The following HYAL2 variants were observed in gnomAD, a reference collection of about 807,000 sequenced individuals.
The protein encoded by HYAL2 is hyaluronidase-2.
Under a neutral mutation model 35.4 loss-of-function variants are expected in HYAL2, and 30 were observed. The observed-to-expected ratio is 0.85, with a 90% CI of 0.63 to 1.15. The LOEUF (loss-of-function observed/expected upper bound fraction) is 1.15, where lower values mean the gene tolerates loss of function less well. Among genes scored for constraint, HYAL2 ranks in the 50% most tolerant of loss-of-function variants. HYAL2 has a pLI of 0.00. For synonymous variants in HYAL2, 262 were observed against 252.8 expected, an observed-to-expected ratio of 1.04 and a Z score of -0.34; for missense variants, 635 against 646.5, an observed-to-expected ratio of 0.98 and a Z score of 0.19.
intron 1 of HYAL2, chr3:50,321,567 C>A (rs994427699): frequency 2.0e-5 from 3 of 152,202 alleles, no homozygotes; most frequent in African/African-American, 7.2e-5. Context: ...GTGTGGTCCA[C>A]CTTTCTCGGT....
Position 50,318,670 on chromosome 3 carries a change from C to G in HYAL2, c.1012-131G>C. On this transcript the variant is annotated intron_variant, in intron 3 of 3. Coordinates refer to ENST00000357750, the MANE Select transcript of HYAL2 (RefSeq NM_003773.5). This position sits in a 1 kb window ranked among gnomAD's most constrained non-coding sequence, Gnocchi z 4.5. ...CACACATTCATACATTCAATCTGCA[C>G]CTGAGCCACACAGTCCCTGCTCCTG... 1 of 904,270 alleles carries G rather than the reference C, an allele frequency of 1.1e-6. No individual in the cohort carries two copies. Among genetic ancestry groups the G allele is most frequent in the Non-Finnish European group, 1.7e-6 (1 of 602,100 alleles). The allele number at this position is 904,270 out of a possible 1,614,324, so 56.0% of individuals were successfully genotyped here. A position where few individuals can be genotyped will look rare whatever the true frequency, so the allele number is the denominator to read the frequency against.
Position 50,320,020 on chromosome 3 carries a change from T to C in HYAL2, c.470A>G (p.Gln157Arg). The change falls in exon 2 of 4, where the codon CAG becomes CGG. Residue 157 changes from glutamine (Q) to arginine (R), a missense_variant. Physicochemically the swap from Gln to Arg is conservative, Grantham distance 43 (BLOSUM62 1). Transcript: ENST00000357750. This position sits in a 1 kb window ranked among gnomAD's most constrained non-coding sequence, Gnocchi z 4.8. ...DKDVYRRLSR[Q>R]LVASRHPDWP... The stretch of plus-strand genomic sequence containing the variant: ...GTCAGGGTGACGACTGGCCACTAGC[T>C]GGCGTGATAACCGGCGATACACATC... 1 of 1,613,340 alleles carries C rather than the reference T, an allele frequency of 6.2e-7. No homozygotes were observed. The highest frequency in any genetic ancestry group is 2.2e-5 in the East Asian group (1 of 44,888).
rs1189048698 is a variant in HYAL2, at chr3:50,318,120, AGGAGACCCCT to A, written c.1421_*8del. 1 of 1,543,864 alleles carries A rather than the reference AGGAGACCCCT, an allele frequency of 6.5e-7. No homozygotes were observed. The highest frequency in any genetic ancestry group is 8.7e-7 in the Non-Finnish European group (1 of 1,143,792). On this transcript the variant is annotated stop_lost and 3_prime_UTR_variant, in exon 4 of 4. Coordinates refer to ENST00000357750, the MANE Select transcript of HYAL2 (RefSeq NM_003773.5). This position sits in a 1 kb window ranked among gnomAD's most constrained non-coding sequence, Gnocchi z 4.5. ...AGGCCAGCTTGCTAGGCAGCTAGGCAGGAGACCCCTACAAGGTCCAGGTAAAGGCCAGGGC... is the reference window on the plus strand; with the variant it reads ...AGGCCAGCTTGCTAGGCAGCTAGGCAACAAGGTCCAGGTAAAGGCCAGGGC...
In HYAL2 at chr3:50,319,988, G is replaced by C; in HGVS notation, c.502C>G (p.Pro168Ala). 6.2e-7 allele frequency: 1 copy of C among 1,613,412 alleles called. No homozygotes were observed. Among genetic ancestry groups the C allele is most frequent in the African/African-American group, 1.3e-5 (1 of 75,060 alleles). ...TGTGCCTGTTTGACTATGCGGTCTGGAGGCCAGTCAGGGTGACGACTGGCC... is the reference window on the plus strand; with the variant it reads ...TGTGCCTGTTTGACTATGCGGTCTGCAGGCCAGTCAGGGTGACGACTGGCC... ...LVASRHPDWP[P>A]DRIVKQAQYE... Residue 168 changes from proline to alanine, a missense_variant, in exon 2 of 4, where the codon CCA becomes GCA. Transcript: ENST00000357750.
rs370951040 is a variant in HYAL2 at position 50,320,699 on chromosome 3, G to C, written c.-46-164C>G. On this transcript the variant is annotated intron_variant, in intron 1 of 3. Coordinates refer to ENST00000357750, the MANE Select transcript of HYAL2 (RefSeq NM_003773.5). This position sits in a 1 kb window ranked among gnomAD's most constrained non-coding sequence, Gnocchi z 4.8. ...CACTGCAGGGCAGACAAGGCACCCT[G>C]GGAACTCACTGCCAGAAGCACAGGG... 2.7e-5 allele frequency: 14 copies of C among 525,708 alleles called. No individual in the cohort carries two copies. Among genetic ancestry groups the C allele is most frequent in the South Asian group, 2.0e-4 (6 of 30,642 alleles). The allele number at this position is 525,708 out of a possible 1,614,324, so 32.6% of individuals were successfully genotyped here. A position where few individuals can be genotyped will look rare whatever the true frequency, so the allele number is the denominator to read the frequency against.
intron 1 of HYAL2, chr3:50,321,274 G>C (rs1702689145): frequency 6.6e-6 from 1 of 152,194 alleles, no homozygotes; most frequent in African/African-American, 2.4e-5. Context: ...GTGGGGGTGG[G>C]GTTTCTGGGA....
chr3:50,320,247 G>T lies in HYAL2; in HGVS notation c.243C>A (p.Asp81Glu), dbSNP rs782806036. The T allele has an allele frequency of 3.7e-6, 6 of 1,614,052 alleles. No individual in the cohort carries two copies. Among genetic ancestry groups the T allele is most frequent in the Non-Finnish European group, 5.1e-6 (6 of 1,180,042 alleles). ...VNQNITIFYRDRLGLYPRFDS... is the reference protein window; with the variant it reads ...VNQNITIFYRERLGLYPRFDS... The stretch of plus-strand genomic sequence containing the variant: ...CGAAGCGTGGATACAGGCCTAGACG[G>T]TCGCGGTAGAAGATGGTAATATTCT... The change falls in exon 2 of 4, where the codon GAC becomes GAA. Residue 81 changes from aspartate (D) to glutamate (E), a missense_variant. Coordinates refer to ENST00000357750, the MANE Select transcript of HYAL2 (RefSeq NM_003773.5). This position sits in a 1 kb window ranked among gnomAD's most constrained non-coding sequence, Gnocchi z 4.8.
rs781808132 is a variant in HYAL2 at position 50,319,054 on chromosome 3, G to A, written c.922-9C>T. 1.1e-5 allele frequency: 18 copies of A among 1,583,838 alleles called. 1 individual carries two copies. The South Asian group carries it at 1.3e-4, about 12-fold the overall frequency. On this transcript the variant is annotated splice_polypyrimidine_tract_variant and intron_variant, in intron 2 of 3. Coordinates refer to ENST00000357750, the MANE Select transcript of HYAL2 (RefSeq NM_003773.5). ...GTAGAGATGAGGTCCATCTATGCAGGAAAAGGGATGGTCACTGGGGAAGAC... is the reference window on the plus strand; with the variant it reads ...GTAGAGATGAGGTCCATCTATGCAGAAAAAGGGATGGTCACTGGGGAAGAC...
In HYAL2 at chr3:50,318,840, G is replaced by A; in HGVS notation, c.1011+116C>T. 1 of 919,682 alleles carries A rather than the reference G, an allele frequency of 1.1e-6. No individual in the cohort carries two copies. Among genetic ancestry groups the A allele is most frequent in the Non-Finnish European group, 1.8e-6 (1 of 568,378 alleles). The allele number at this position is 919,682 out of a possible 1,614,324, so 57.0% of individuals were successfully genotyped here. On this transcript the variant is annotated intron_variant, in intron 3 of 3. Coordinates refer to ENST00000357750, the MANE Select transcript of HYAL2 (RefSeq NM_003773.5). This position sits in a 1 kb window ranked among gnomAD's most constrained non-coding sequence, Gnocchi z 4.5. ...TCCTGTTGCCACCAGGGATGCCTCG[G>A]GTGGGAGACAGACAAGGGGACCAGA...
rs782145635 is a variant in HYAL2, at chr3:50,319,932, G to A, written c.558C>T (p.Phe186=). 7 of 1,613,568 alleles carry A rather than the reference G, an allele frequency of 4.3e-6. No individual in the cohort carries two copies. In the African/African-American group the frequency reaches 8.0e-5, roughly 18 times the overall value. Residue 186 remains phenylalanine, a synonymous_variant, in exon 2 of 4, where the codon TTC becomes TTT. Transcript: ENST00000357750. ...QYEFEFAAQQ[F]MLETLRYVKA... is the part of the protein sequence containing the mutation. ...TGACATAACGCAGTGTCTCCAGCAT[G>A]AACTGCTGTGCTGCGAACTCAAACT...
chr3:50,322,583 A>C lies in HYAL2; in HGVS notation c.-47+70T>G, dbSNP rs903313641. The C allele has an allele frequency of 6.6e-6, 1 of 152,244 alleles. No individual in the cohort carries two copies. The highest frequency in any genetic ancestry group is 2.4e-5 in the African/African-American group (1 of 41,454). The allele number at this position is 152,244 out of a possible 1,614,324, so 9.4% of individuals were successfully genotyped here. ...CCAGCCCCTAACCCTCCCGGGCGCC[A>C]GGAGAGGGAGGGAGTGCAACTGCGA... is the stretch of plus-strand genomic sequence containing the variant. On this transcript the variant is annotated intron_variant, in intron 1 of 3. Transcript: ENST00000357750. This position sits in a 1 kb window ranked among gnomAD's most constrained non-coding sequence, Gnocchi z 5.5.
In HYAL2 at chr3:50,317,975, CA is replaced by C; in HGVS notation, c.*153del. On this transcript the variant is annotated 3_prime_UTR_variant, in exon 4 of 4. Transcript: ENST00000357750. ...CAGGGACTTCCCCTCCCCCTTAGAA[CA>C]GGGGGGTGCGAGCTGGTATGGATGC... is the stretch of plus-strand genomic sequence containing the variant. 4.0e-6 allele frequency: 3 copies of C among 756,184 alleles called. No individual in the cohort carries two copies. Among genetic ancestry groups the C allele is most frequent in the Admixed American group, 2.8e-5 (1 of 35,106 alleles). The allele number at this position is 756,184 out of a possible 1,614,324, so 46.8% of individuals were successfully genotyped here.
intron 1 of HYAL2, chr3:50,321,223 A>ACCCCGC (rs1702686469): frequency 6.6e-6 from 1 of 151,502 alleles, no homozygotes; most frequent in East Asian, 2.0e-4. Flanking sequence ...TTTGTGCGGG[A>ACCCCGC]CCCCGCCCCC....
At position 50,319,910 on chromosome 3, in the gene HYAL2, C is replaced by T; in HGVS notation, c.580G>A (p.Val194Ile). The change falls in exon 2 of 4, where the codon GTC becomes ATC. Residue 194 changes from valine to isoleucine, a missense_variant. Physicochemically the swap from Val to Ile is conservative, Grantham distance 29. Transcript: ENST00000357750. ...AGGTGCCGGGGCCGCACTGCCTTGACATAACGCAGTGTCTCCAGCATGAAC... is the reference window on the plus strand; with the variant it reads ...AGGTGCCGGGGCCGCACTGCCTTGATATAACGCAGTGTCTCCAGCATGAAC... Reference protein sequence around the residue: ...QQFMLETLRYVKAVRPRHLWG... With the variant: ...QQFMLETLRYIKAVRPRHLWG... 1.9e-6 allele frequency: 3 copies of T among 1,613,724 alleles called. No homozygotes were observed. Among genetic ancestry groups the T allele is most frequent in the Non-Finnish European group, 2.5e-6 (3 of 1,180,018 alleles).
chr3:50,319,680 G>A lies in HYAL2; in HGVS notation c.810C>T (p.Phe270=), dbSNP rs1553716180. The change falls in exon 2 of 4, where the codon TTC becomes TTT. Residue 270 remains phenylalanine (F), a synonymous_variant. Transcript: ENST00000357750. ...CCACACGAAGGGCCTCCTGAACACG[G>A]AAGCTCACAAAGTTGCGGCCATGGC... ...SSRHGRNFVS[F]RVQEALRVAR... 9.3e-6 allele frequency: 15 copies of A among 1,613,990 alleles called. No individual in the cohort carries two copies. The highest frequency in any genetic ancestry group is 9.3e-6 in the Non-Finnish European group (11 of 1,180,036).
Position 50,318,399 on chromosome 3 carries a change from A to G in HYAL2, c.1152T>C (p.Ser384=), listed in dbSNP as rs782532214. The change falls in exon 4 of 4, where the codon AGT becomes AGC. Residue 384 remains serine (S), a synonymous_variant. Transcript: ENST00000357750. The surrounding 1 kb of genome is among the most constrained non-coding windows in gnomAD (Gnocchi z 4.5). ...GRCVRRNPSA[S]TFLHLSTNSF... Reference sequence around the variant, plus strand: ...TGTTGGTGCTGAGATGCAGGAAGGTACTGGCACTGGGGTTGCGGCGCACAC... The same window carrying G: ...TGTTGGTGCTGAGATGCAGGAAGGTGCTGGCACTGGGGTTGCGGCGCACAC... 5 of 1,613,214 alleles carry G rather than the reference A, an allele frequency of 3.1e-6. No individual in the cohort carries two copies. In the African/African-American group the frequency reaches 6.7e-5, roughly 22 times the overall value.
At chr3:50,321,818 G>A (rs1468134262) in intron 1 of HYAL2, 1 of 72,136 alleles carries the variant, frequency 1.4e-5, no homozygotes, top group Non-Finnish European at 2.1e-5. Context: ...GACGGGAAGG[G>A]GGGGGGGGGG....
rs1553715886 is a variant in HYAL2 at position 50,318,370 on chromosome 3, A to C, written c.1181T>G (p.Phe394Cys). Residue 394 changes from phenylalanine to cysteine, a missense_variant, in exon 4 of 4, where the codon TTC becomes TGC. By Grantham distance (205) the Phe-to-Cys change is radical. Transcript: ENST00000357750. This position sits in a 1 kb window ranked among gnomAD's most constrained non-coding sequence, Gnocchi z 4.5. ...STFLHLSTNS[F>C]RLVPGHAPGE... is the part of the protein sequence containing the mutation. ...AGGTGCATGGCCAGGCACTAGGCGG[A>C]AACTGTTGGTGCTGAGATGCAGGAA... is the stretch of plus-strand genomic sequence containing the variant. The C allele has an allele frequency of 1.9e-6, 3 of 1,613,280 alleles. No homozygotes were observed. Among genetic ancestry groups the C allele is most frequent in the Non-Finnish European group, 2.5e-6 (3 of 1,180,040 alleles).
Position 50,320,257 on chromosome 3 carries a change from A to C in HYAL2, c.233T>G (p.Phe78Cys). 1 of 1,614,060 alleles carries C rather than the reference A, an allele frequency of 6.2e-7. No individual in the cohort carries two copies. The highest frequency in any genetic ancestry group is 8.5e-7 in the Non-Finnish European group (1 of 1,180,040). Residue 78 changes from phenylalanine (F) to cysteine (C), a missense_variant, in exon 2 of 4, where the codon TTC (phenylalanine) becomes TGC (cysteine). Coordinates refer to ENST00000357750, the MANE Select transcript of HYAL2 (RefSeq NM_003773.5). The surrounding 1 kb of genome is among the most constrained non-coding windows in gnomAD (Gnocchi z 4.8). Reference sequence around the variant, plus strand: ...ATACAGGCCTAGACGGTCGCGGTAGAAGATGGTAATATTCTGGTTCACAAA... The same window carrying C: ...ATACAGGCCTAGACGGTCGCGGTAGCAGATGGTAATATTCTGGTTCACAAA... ...EGFVNQNITIFYRDRLGLYPR... is the reference protein window; with the variant it reads ...EGFVNQNITICYRDRLGLYPR...
Sources: allele counts gnomAD v4.1 joint callset, GRCh38; gene constraint gnomAD v4.1.1; non-coding constraint Gnocchi (gnomAD v3.1); transcripts MANE v1.5; gene names NCBI Gene and HGNC (gene_info 2026-07-23, HGNC 2026-07-21).